Variants in MEI4 observed in about 807,000 individuals in gnomAD.
The protein encoded by MEI4 is meiotic double-stranded break formation protein 4, also known as meiosis-specific protein MEI4.
A neutral mutation model predicts 31.4 loss-of-function variants in MEI4; 27 were observed. That is an observed-to-expected ratio of 0.86 (90% CI 0.63 to 1.19). MEI4 has a LOEUF of 1.19. Ranked by LOEUF, MEI4 falls within the 50% of genes most tolerant of loss-of-function variation. MEI4 has a pLI of 0.00. For missense variants in MEI4, 329 were observed against 398.9 expected, an observed-to-expected ratio of 0.82 and a Z score of 1.49; for synonymous variants, 122 against 145.4, an observed-to-expected ratio of 0.84 and a Z score of 1.16.
intron 4 of MEI4, among the ~76,000 whole-genome samples, chr6:77,863,128 T>C (rs1288262895): frequency 6.6e-6 from 1 of 151,686 alleles, no homozygotes; most frequent in Non-Finnish European, 1.5e-5. Flanking sequence ...ACCACAAAGA[T>C]GGGGAAAAAA....
At chr6:77,834,461 T>C (rs1012951607) in intron 4 of MEI4, among the ~76,000 whole-genome samples, 3 of 147,606 alleles carry the variant, frequency 2.0e-5, no homozygotes, top group Non-Finnish European at 4.5e-5. Context: ...ATAATATAAA[T>C]TTATAAGATT....
rs190036895 is a variant in MEI4 at position 77,775,633 on chromosome 6, G to T, written c.768+13968G>T. Among the ~76,000 whole-genome samples, 212 of 152,214 alleles carry T rather than the reference G, an allele frequency of 1.4e-3. 1 individual carries two copies. The highest frequency in any genetic ancestry group is 4.5e-3 in the African/African-American group (186 of 41,540). ...TCATATATTTGCAATTGCAAGTTGT[G>T]CTTCTATAAACATGCATGTGTAAGT... On this transcript the variant is annotated intron_variant, in intron 3 of 4. Transcript: ENST00000684080.
chr6:77,838,340 G>A (rs778776880), intron 4 of MEI4, among the ~76,000 whole-genome samples: 3 of 152,020 alleles, frequency 2.0e-5, no homozygotes, highest in Non-Finnish European at 4.4e-5. Flanking sequence ...TTTTGGAGAG[G>A]TACTGAATTA....
intron 2 of MEI4, among the ~76,000 whole-genome samples, chr6:77,727,379 C>T (rs1283713958): frequency 6.6e-6 from 1 of 152,150 alleles, no homozygotes; most frequent in Admixed American, 6.5e-5. Context: ...TTTTATGTAT[C>T]CTAGGACTAT....
At chr6:77,778,827 G>A (rs1241874910) in intron 3 of MEI4, among the ~76,000 whole-genome samples, 1 of 152,112 alleles carries the variant, frequency 6.6e-6, no homozygotes, top group Non-Finnish European at 1.5e-5. Context: ...CCTAGTTTCT[G>A]ATCATTAACA....
At chr6:77,818,953 G>A (rs1191268057) in intron 3 of MEI4, among the ~76,000 whole-genome samples, 1 of 152,042 alleles carries the variant, frequency 6.6e-6, no homozygotes, top group Non-Finnish European at 1.5e-5. Context: ...GCCCTGGCTG[G>A]TCTTGAACCT....
intron 3 of MEI4, among the ~76,000 whole-genome samples, chr6:77,799,976 G>A (rs1330804902): frequency 6.6e-6 from 1 of 152,048 alleles, no homozygotes; most frequent in East Asian, 1.9e-4. Context: ...TTGGCAATGG[G>A]GGCTCTTTTT....
chr6:77,921,564 C>G (rs1457305583), intron 4 of MEI4, among the ~76,000 whole-genome samples: 2 of 151,812 alleles, frequency 1.3e-5, no homozygotes, highest in Non-Finnish European at 2.9e-5. Context: ...ACTTGGTTAA[C>G]TTTGGCACAA....
At chr6:77,803,655 G>A (rs1160340137) in intron 3 of MEI4, among the ~76,000 whole-genome samples, 1 of 152,096 alleles carries the variant, frequency 6.6e-6, no homozygotes, top group African/African-American at 2.4e-5. Flanking sequence ...GTTTTGGTGT[G>A]GATGTCCTTT....
intron 4 of MEI4, among the ~76,000 whole-genome samples, chr6:77,922,253 T>C (rs1184862131): frequency 6.6e-6 from 1 of 150,640 alleles, no homozygotes; most frequent in Non-Finnish European, 1.5e-5. Flanking sequence ...TTTCTCAATG[T>C]TAATACTTTC....
intron 4 of MEI4, among the ~76,000 whole-genome samples, chr6:77,889,800 A>C (rs1771714189): frequency 6.6e-6 from 1 of 152,170 alleles, no homozygotes; most frequent in Non-Finnish European, 1.5e-5. Context: ...CTTGGAACAT[A>C]GTGCCCTGTG....
At chr6:77,663,074 T>C (rs1209208481) in intron 1 of MEI4, among the ~76,000 whole-genome samples, 5,825 of 125,186 alleles carry the variant, frequency 0.047, no homozygotes, top group African/African-American at 0.11. Flanking sequence ...TAGAGGCAGG[T>C]ATTGAGGATA....
intron 4 of MEI4, among the ~76,000 whole-genome samples, chr6:77,883,717 G>GATAGATAGATATAT (rs1554172067): frequency 2.3e-4 from 10 of 43,324 alleles, no homozygotes; most frequent in Non-Finnish European, 3.4e-4. Flanking sequence ...TATTATGTAA[G>GATAGATAGATATAT]ATATATATAT....
intron 2 of MEI4, among the ~76,000 whole-genome samples, chr6:77,755,229 C>T (rs542471552): frequency 3.3e-5 from 5 of 151,970 alleles, no homozygotes; most frequent in African/African-American, 1.2e-4. Flanking sequence ...ATTAAGTACA[C>T]TTAACTTAAG....
intron 3 of MEI4, among the ~76,000 whole-genome samples, chr6:77,813,248 G>A (rs987331794): frequency 6.6e-6 from 1 of 152,038 alleles, no homozygotes; most frequent in Admixed American, 6.6e-5. Context: ...TTGCTTAGTA[G>A]TTTGTTTCAG....
At chr6:77,732,888 T>C (rs980981895) in intron 2 of MEI4, among the ~76,000 whole-genome samples, 5 of 151,694 alleles carry the variant, frequency 3.3e-5, no homozygotes, top group South Asian at 2.1e-4. Context: ...GAGATAATCA[T>C]GTGGTTTTTG....
chr6:77,852,886 G>A (rs1320408946), intron 4 of MEI4, among the ~76,000 whole-genome samples: 2 of 152,160 alleles, frequency 1.3e-5, no homozygotes, highest in African/African-American at 4.8e-5. Context: ...TATAGGAAAA[G>A]AAATCAATAA....
chr6:77,744,445 G>C (rs1228671368), intron 2 of MEI4, among the ~76,000 whole-genome samples: 1 of 152,078 alleles, frequency 6.6e-6, no homozygotes, highest in Non-Finnish European at 1.5e-5. Flanking sequence ...AACAAACAAA[G>C]CCTCCGAGAA....
At chr6:77,825,011 T>A (rs996595890) in intron 3 of MEI4, among the ~76,000 whole-genome samples, 3 of 147,886 alleles carry the variant, frequency 2.0e-5, no homozygotes, top group Non-Finnish European at 4.4e-5. Flanking sequence ...TGATCTCAAC[T>A]TTTTTTGTTA....
Sources: gnomAD v4.1 joint callset for allele counts (sites outside exome capture counted in the v4.1 genomes callset) on GRCh38, gnomAD v4.1.1 for gene constraint, MANE v1.5 for transcripts, NCBI Gene and HGNC (gene_info 2026-07-23, HGNC 2026-07-21) for gene names.